Variants in STARD13 observed in about 807,000 individuals in gnomAD.
STARD13 encodes the protein StAR related lipid transfer domain containing 13, also known as stAR-related lipid transfer protein 13.
Under a neutral mutation model 106.4 loss-of-function variants are expected in STARD13, and 62 were observed. The observed-to-expected ratio is 0.58, with a 90% confidence interval of 0.48 to 0.72. The LOEUF (loss-of-function observed/expected upper bound fraction) is 0.72, where lower values mean the gene tolerates loss of function less well. STARD13 is among the 30% of genes least tolerant of loss of function. STARD13 has a pLI of 0.00. For missense variants in STARD13, 1,387 were observed against 1,424.0 expected, an observed-to-expected ratio of 0.97 and a Z score of 0.42; for synonymous variants, 565 against 553.0, an observed-to-expected ratio of 1.02 and a Z score of -0.31.
chr13:33,237,653 C>T (rs957612959), intron 1 of STARD13, among the ~76,000 whole-genome samples: 2 of 152,162 alleles, frequency 1.3e-5, no homozygotes, highest in African/African-American at 2.4e-5. Flanking sequence ...TTAAAAACTT[C>T]CCATCTCCCC....
At chr13:33,300,075 G>A (rs1020987874) in intron 1 of STARD13, among the ~76,000 whole-genome samples, 6 of 152,214 alleles carry the variant, frequency 3.9e-5, no homozygotes, top group African/African-American at 1.4e-4. Context: ...CTTTGGAGTC[G>A]AGTTAACTTT....
chr13:33,342,426 C>A (rs1234235068), intron 1 of STARD13, among the ~76,000 whole-genome samples: 1 of 151,980 alleles, frequency 6.6e-6, no homozygotes, highest in Non-Finnish European at 1.5e-5. Flanking sequence ...CATATGCAGG[C>A]AACTTGAGAA....
intron 1 of STARD13, among the ~76,000 whole-genome samples, chr13:33,233,272 C>T (rs890748271): frequency 1.3e-5 from 2 of 152,232 alleles, no homozygotes; most frequent in Non-Finnish European, 1.5e-5. Flanking sequence ...TTTACATATA[C>T]CTACCCTTTC....
At chr13:33,445,925 T>C in the STARD13 span, among the ~76,000 whole-genome samples, 1 of 152,134 alleles carries the variant, frequency 6.6e-6, no homozygotes, top group Non-Finnish European at 1.5e-5. Context: ...ATCTCCAACA[T>C]TGAAATTAAA....
chr13:33,654,417 C>A, the STARD13 span, among the ~76,000 whole-genome samples: 1 of 151,286 alleles, frequency 6.6e-6, no homozygotes, highest in African/African-American at 2.4e-5. Context: ...GCAAAATAGG[C>A]AAATCTATAG....
At chr13:33,209,938 A>G (rs1188553059) in intron 1 of STARD13, among the ~76,000 whole-genome samples, 2 of 152,154 alleles carry the variant, frequency 1.3e-5, no homozygotes, top group East Asian at 3.9e-4. Flanking sequence ...ATGCCACTGC[A>G]CTCCAGTCCA....
the STARD13 span, among the ~76,000 whole-genome samples, chr13:33,627,826 C>T: frequency 1.3e-5 from 2 of 152,070 alleles, no homozygotes; most frequent in African/African-American, 4.8e-5. Flanking sequence ...CAGGGCTGCA[C>T]CGTGGGGCTC....
chr13:33,577,684 C>G, the STARD13 span, among the ~76,000 whole-genome samples: 1 of 152,014 alleles, frequency 6.6e-6, no homozygotes, highest in East Asian at 1.9e-4. Context: ...AATCTAGACA[C>G]GGAGCTTGCA....
chr13:33,222,370 A>G (rs1888405687), intron 1 of STARD13, among the ~76,000 whole-genome samples: 1 of 152,190 alleles, frequency 6.6e-6, no homozygotes, highest in Non-Finnish European at 1.5e-5. Context: ...GTGAAAAAAG[A>G]TCTGGAGATT....
chr13:33,498,925 G>A, the STARD13 span, among the ~76,000 whole-genome samples: 2 of 152,190 alleles, frequency 1.3e-5, no homozygotes, highest in African/African-American at 4.8e-5. Flanking sequence ...ATCACCTGAG[G>A]TCAAAAGTTC....
At chr13:33,400,019 C>G in the STARD13 span, among the ~76,000 whole-genome samples, 2 of 152,062 alleles carry the variant, frequency 1.3e-5, no homozygotes, top group African/African-American at 4.8e-5. Flanking sequence ...TAATGATTAT[C>G]TCAATCAAAT....
intron 1 of STARD13, 101 bp downstream of exon 1, chr13:33,285,369 G>A: frequency 7.8e-7 from 1 of 1,277,270 alleles, no homozygotes; most frequent in Non-Finnish European, 1.1e-6. Context: ...AAATCCATAT[G>A]TTATAAAGTG....
chr13:33,623,038 G>T, the STARD13 span, among the ~76,000 whole-genome samples: 1 of 152,272 alleles, frequency 6.6e-6, no homozygotes, highest in Admixed American at 6.5e-5. Flanking sequence ...GGCGGAGGTT[G>T]CAGTGAGCTG....
the STARD13 span, chr13:33,659,722 T>C: frequency 7.2e-5 from 11 of 152,310 alleles, no homozygotes; most frequent in East Asian, 2.1e-3. Flanking sequence ...AGTAGGCTCA[T>C]ATTTTGGGGG....
the STARD13 span, among the ~76,000 whole-genome samples, chr13:33,523,029 T>C: frequency 7.2e-5 from 11 of 152,162 alleles, no homozygotes; most frequent in African/African-American, 2.4e-4. Flanking sequence ...GTGTGCTGAA[T>C]ATTTTCCATT....
chr13:33,419,269 T>G, the STARD13 span, among the ~76,000 whole-genome samples: 1 of 152,140 alleles, frequency 6.6e-6, no homozygotes, highest in East Asian at 1.9e-4. Flanking sequence ...GAGAAGACCT[T>G]AAATGACCTG....
the STARD13 span, among the ~76,000 whole-genome samples, chr13:33,385,218 A>AATATGAATAT: frequency 1.1e-3 from 38 of 33,582 alleles, no homozygotes; most frequent in African/African-American, 2.1e-3. Flanking sequence ...AAAGGTTCGG[A>AATATGAATAT]ATATATATAT....
At chr13:33,212,629 C>G (rs945344509) in intron 1 of STARD13, among the ~76,000 whole-genome samples, 2 of 152,194 alleles carry the variant, frequency 1.3e-5, no homozygotes, top group African/African-American at 4.8e-5. Flanking sequence ...CAAGTCGCAA[C>G]TTGAGGTTCT....
At chr13:33,338,688 T>A (rs1594281052) in intron 1 of STARD13, among the ~76,000 whole-genome samples, 1 of 151,964 alleles carries the variant, frequency 6.6e-6, no homozygotes, top group East Asian at 1.9e-4. Flanking sequence ...ATCGAGACCA[T>A]CCTGGCTAAC....
Sources: allele counts gnomAD v4.1 joint callset (sites outside exome capture counted in the v4.1 genomes callset), GRCh38; gene constraint gnomAD v4.1.1; transcripts MANE v1.5; gene names NCBI Gene and HGNC (gene_info 2026-07-23, HGNC 2026-07-21).